The following RGS6 variants were observed in gnomAD, a reference collection of about 807,000 sequenced individuals.
RGS6 encodes regulator of G-protein signaling 6.
In RGS6, 30 loss-of-function variants were observed where a neutral mutation model predicts 78.5. The ratio of observed to expected loss-of-function variants is 0.38; its 90% CI spans 0.29 to 0.52. RGS6 has a LOEUF of 0.52. Ranked by LOEUF, RGS6 falls within the 20% of genes least tolerant of loss-of-function variation. The pLI is 0.85. For missense variants in RGS6, 495 were observed against 609.7 expected, an observed-to-expected ratio of 0.81 and a Z score of 1.98; for synonymous variants, 206 against 206.0, an observed-to-expected ratio of 1.00 and a Z score of 0.00.
At chr14:72,156,044 C>T (rs981206094) in intron 2 of RGS6, among the ~76,000 whole-genome samples, 14 of 152,206 alleles carry the variant, frequency 9.2e-5, no homozygotes, top group Non-Finnish European at 1.6e-4. Context: ...ATCTGGGGTG[C>T]AGCCTGGGCA....
At chr14:72,276,861 C>G (rs1319532165) in intron 2 of RGS6, among the ~76,000 whole-genome samples, 1 of 149,480 alleles carries the variant, frequency 6.7e-6, no homozygotes, top group African/African-American at 2.5e-5. Flanking sequence ...GAGACTAATA[C>G]AATATTGAAA....
chr14:72,308,601 ATTAG>A (rs1395807869), intron 2 of RGS6, among the ~76,000 whole-genome samples: 3 of 152,222 alleles, frequency 2.0e-5, no homozygotes, highest in Non-Finnish European at 2.9e-5. Flanking sequence ...TTAATTATAA[ATTAG>A]TTAGTATGAA....
At position 72,084,178 on chromosome 14, in the gene RGS6, C is replaced by T. The variant is rs548430283; in HGVS notation, c.84+119303C>T. ...GGTTTCAGGATGAAACTGTTCCCCT[C>T]GGATCATCAGGCATTAGATTCTCAT... On this transcript the variant is annotated intron_variant, in intron 2 of 17. Transcript: ENST00000553525. Among the ~76,000 whole-genome samples the T allele has an allele frequency of 5.9e-5, 9 of 152,284 alleles. No homozygotes were observed. The East Asian group carries it at 1.3e-3, about 23-fold the overall frequency.
the RGS6 span, among the ~76,000 whole-genome samples, chr14:72,627,396 A>G: frequency 6.6e-6 from 1 of 152,108 alleles, no homozygotes; most frequent in African/African-American, 2.4e-5. Flanking sequence ...AGCACCATTC[A>G]TTTAAAAGTC....
intron 2 of RGS6, among the ~76,000 whole-genome samples, chr14:72,216,433 G>A (rs892911733): frequency 3.3e-5 from 5 of 152,170 alleles, no homozygotes; most frequent in Admixed American, 3.3e-4. Context: ...CAAATGTAAG[G>A]CACCGCACCA....
chr14:72,624,903 C>G, the RGS6 span, among the ~76,000 whole-genome samples: 1 of 152,208 alleles, frequency 6.6e-6, no homozygotes, highest in African/African-American at 2.4e-5. Context: ...CTTGGCGCAT[C>G]ATATCGGGGG....
chr14:72,019,948 C>T (rs2088012888), intron 2 of RGS6, among the ~76,000 whole-genome samples: 1 of 152,168 alleles, frequency 6.6e-6, no homozygotes, highest in Non-Finnish European at 1.5e-5. Context: ...CCTGATGCTA[C>T]CTGAGATGTA....
At chr14:72,022,925 G>A (rs1048055990) in intron 2 of RGS6, among the ~76,000 whole-genome samples, 4 of 152,172 alleles carry the variant, frequency 2.6e-5, no homozygotes, top group Admixed American at 2.6e-4. Context: ...TACAGTGAGT[G>A]CTTTTTCTTT....
At chr14:72,092,412 C>G (rs552942706) in intron 2 of RGS6, among the ~76,000 whole-genome samples, 1 of 152,024 alleles carries the variant, frequency 6.6e-6, no homozygotes, top group East Asian at 1.9e-4. Flanking sequence ...GCTGGTCTCT[C>G]GCTCTGTCAT....
intron 2 of RGS6, among the ~76,000 whole-genome samples, chr14:72,005,848 G>A (rs1166139100): frequency 6.6e-6 from 1 of 151,596 alleles, no homozygotes; most frequent in Non-Finnish European, 1.5e-5. Context: ...TTATCAAGAT[G>A]TACATTTTTA....
intron 2 of RGS6, among the ~76,000 whole-genome samples, chr14:72,025,079 T>C (rs1448590368): frequency 1.3e-5 from 2 of 152,186 alleles, no homozygotes; most frequent in African/African-American, 4.8e-5. Context: ...CCTATGTTTC[T>C]GTATATAAAG....
the RGS6 span, chr14:71,908,378 C>G: frequency 1.2e-4 from 18 of 152,312 alleles, no homozygotes; most frequent in African/African-American, 3.1e-4. Context: ...GGGAGTTTTC[C>G]ATTGTTTTGA....
chr14:72,411,997 G>A (rs12392961), intron 3 of RGS6, among the ~76,000 whole-genome samples: 13,988 of 152,096 alleles, frequency 0.092, 941 homozygotes, highest in East Asian at 0.34. Flanking sequence ...TTTTGCATCA[G>A]TGTTCATCAA....
At chr14:72,538,584 C>T (rs1193714945) in intron 16 of RGS6, among the ~76,000 whole-genome samples, 1 of 152,132 alleles carries the variant, frequency 6.6e-6, no homozygotes, top group Non-Finnish European at 1.5e-5. Flanking sequence ...AATAACAGGC[C>T]GACAATGCCA....
chr14:72,080,007 G>A (rs1395469662), intron 2 of RGS6, among the ~76,000 whole-genome samples: 21 of 152,080 alleles, frequency 1.4e-4, no homozygotes, highest in Admixed American at 1.2e-3. Flanking sequence ...GGGAGTGCAG[G>A]CAACTCTTCA....
chr14:72,523,097 G>A (rs1483300606), intron 15 of RGS6, among the ~76,000 whole-genome samples: 1 of 152,232 alleles, frequency 6.6e-6, no homozygotes, highest in Non-Finnish European at 1.5e-5. Flanking sequence ...CAGTTCAGAA[G>A]TTCCCAGGTA....
At chr14:72,376,965 C>T (rs1392154798) in intron 3 of RGS6, among the ~76,000 whole-genome samples, 1 of 151,970 alleles carries the variant, frequency 6.6e-6, no homozygotes, top group Non-Finnish European at 1.5e-5. Flanking sequence ...CAGAAAAACA[C>T]CCAACTGCAA....
At chr14:72,611,530 T>G in the RGS6 span, among the ~76,000 whole-genome samples, 12 of 151,484 alleles carry the variant, frequency 7.9e-5, no homozygotes, top group African/African-American at 2.9e-4. Flanking sequence ...CCAGTCCCGC[T>G]CTCTGCTTTC....
At chr14:72,257,652 A>G (rs560391301) in intron 2 of RGS6, among the ~76,000 whole-genome samples, 4 of 152,200 alleles carry the variant, frequency 2.6e-5, no homozygotes, top group Non-Finnish European at 5.9e-5. Context: ...AATATAAAAT[A>G]ACAAAGAAAA....
Sources: allele counts gnomAD v4.1 joint callset (sites outside exome capture counted in the v4.1 genomes callset), GRCh38; gene constraint gnomAD v4.1.1; transcripts MANE v1.5; gene names NCBI Gene and HGNC (gene_info 2026-07-23, HGNC 2026-07-21).